The following CRPPA variants were observed in gnomAD, a reference collection of about 807,000 sequenced individuals.
CRPPA encodes the protein D-ribitol-5-phosphate cytidylyltransferase.
CRPPA carries 43 observed loss-of-function variants against 52.0 expected under a neutral mutation model. The observed-to-expected ratio is 0.83, with a 90% confidence interval of 0.65 to 1.07. The LOEUF (loss-of-function observed/expected upper bound fraction) is 1.07, where lower values mean the gene tolerates loss of function less well. Ranked by LOEUF, CRPPA falls within the 50% of genes least tolerant of loss-of-function variation. The probability of loss-of-function intolerance (pLI) is 0.00; values close to 1 mark genes in which losing one functional copy is unlikely to be tolerated. For missense variants in CRPPA, 629 were observed against 551.7 expected (o/e 1.14, Z -1.40); for synonymous variants, 250 against 203.5 (o/e 1.23, Z -1.94).
chr7:16,107,906 A>C (rs762009125), intron 9 of CRPPA, among the ~76,000 whole-genome samples: 26 of 152,080 alleles, frequency 1.7e-4, no homozygotes, highest in Non-Finnish European at 2.5e-4. Flanking sequence ...TATGCAATCA[A>C]AGTTAGTTTT....
intron 9 of CRPPA, among the ~76,000 whole-genome samples, chr7:16,168,769 C>A (rs1046383863): frequency 6.6e-6 from 1 of 151,980 alleles, no homozygotes; most frequent in Non-Finnish European, 1.5e-5. Context: ...CTGACGGTTA[C>A]GTTAACAAAT....
At chr7:16,263,756 T>TAA (rs59366655) in intron 6 of CRPPA, among the ~76,000 whole-genome samples, 9 of 138,698 alleles carry the variant, frequency 6.5e-5, no homozygotes, top group Admixed American at 7.0e-5. Flanking sequence ...CATTTCAAAA[T>TAA]AAAAAAAAAA....
chr7:16,164,148 T>C (rs1780990575), intron 9 of CRPPA, among the ~76,000 whole-genome samples: 1 of 152,224 alleles, frequency 6.6e-6, no homozygotes, highest in Non-Finnish European at 1.5e-5. Context: ...GGTACACCAA[T>C]CAAATGCAGC....
chr7:16,221,318 G>A (rs1021187504), intron 8 of CRPPA, among the ~76,000 whole-genome samples: 15 of 152,148 alleles, frequency 9.9e-5, no homozygotes, highest in East Asian at 1.9e-4. Flanking sequence ...AGACTTAAAC[G>A]TTAGACCTAA....
At chr7:16,385,845 T>C (rs1787252423) in intron 2 of CRPPA, among the ~76,000 whole-genome samples, 1 of 152,146 alleles carries the variant, frequency 6.6e-6, no homozygotes, top group African/African-American at 2.4e-5. Flanking sequence ...CTCAAACCCC[T>C]TATGGGATGG....
intron 9 of CRPPA, among the ~76,000 whole-genome samples, chr7:16,131,159 GC>G: frequency 6.6e-6 from 1 of 152,310 alleles, no homozygotes; most frequent in East Asian, 1.9e-4. Context: ...AGTGGGGGCT[GC>G]TGTAACAAAA....
Position 16,255,347 on chromosome 7 carries a change from G to A in CRPPA, c.1119+3043C>T, listed in dbSNP as rs559046832. Reference sequence around the variant, plus strand: ...CTCATGGATAGGAAGAGTCAACATTGTGAAAATGGCCATGCTGCCCAAAGT... The same window carrying A: ...CTCATGGATAGGAAGAGTCAACATTATGAAAATGGCCATGCTGCCCAAAGT... On this transcript the variant is annotated intron_variant, in intron 8 of 9. Coordinates refer to ENST00000407010, the MANE Select transcript of CRPPA (RefSeq NM_001101426.4). Among the ~76,000 whole-genome samples the A allele has an allele frequency of 8.5e-5, 13 of 152,260 alleles. No individual in the cohort carries two copies. The East Asian group carries it at 2.1e-3, about 25-fold the overall frequency.
intron 3 of CRPPA, among the ~76,000 whole-genome samples, chr7:16,321,163 T>C (rs967770820): frequency 1.3e-5 from 2 of 152,138 alleles, no homozygotes; most frequent in African/African-American, 2.4e-5. Flanking sequence ...TAATTCTTTT[T>C]CAGAGTCCAA....
rs920793527 is a variant in CRPPA at position 16,221,716 on chromosome 7, C to G, written c.1120-5519G>C. On this transcript the variant is annotated intron_variant, in intron 8 of 9. Coordinates refer to ENST00000407010, the MANE Select transcript of CRPPA (RefSeq NM_001101426.4). ...AAAAATGCTCATTATCACTGGCCAT[C>G]AGAGAAATGCAAATCAAAACCACAA... 4.0e-4 allele frequency among the ~76,000 whole-genome samples: 61 copies of G among 152,056 alleles called. 1 individual carries two copies. Among genetic ancestry groups the G allele is most frequent in the South Asian group, 2.9e-3 (14 of 4,814 alleles).
chr7:16,089,310 GTA>G lies in CRPPA; in HGVS notation c.*2383_*2384del. ...TGCGTACGTATATACATATATGTGT[GTA>G]TGCGTACGTATATAAATATATGTGT... On this transcript the variant is annotated 3_prime_UTR_variant, in exon 10 of 10. Transcript: ENST00000407010. The G allele has an allele frequency of 1.0e-5, 4 of 397,206 alleles. No homozygotes were observed. Among genetic ancestry groups the G allele is most frequent in the South Asian group, 6.6e-5 (4 of 60,368 alleles). The allele number at this position is 397,206 out of a possible 1,614,324, so 24.6% of individuals were successfully genotyped here.
At chr7:16,299,002 C>G (rs898186488) in intron 5 of CRPPA, among the ~76,000 whole-genome samples, 1 of 152,208 alleles carries the variant, frequency 6.6e-6, no homozygotes. Context: ...GCTGGCAGAT[C>G]GTGGGACTTA....
chr7:16,133,170 A>T (rs1782708550), intron 9 of CRPPA, among the ~76,000 whole-genome samples: 1 of 121,824 alleles, frequency 8.2e-6, no homozygotes, highest in Admixed American at 8.4e-5. Flanking sequence ...AAAAAAAGTT[A>T]GTTGGGTATG....
intron 9 of CRPPA, among the ~76,000 whole-genome samples, chr7:16,103,308 G>C (rs913196442): frequency 6.6e-6 from 1 of 152,142 alleles, no homozygotes; most frequent in Non-Finnish European, 1.5e-5. Context: ...CTGTTGGTGG[G>C]TGTGGGACTA....
intron 3 of CRPPA, among the ~76,000 whole-genome samples, chr7:16,338,938 C>A (rs1336313004): frequency 6.6e-6 from 1 of 151,718 alleles, no homozygotes. Context: ...GCCTCAGCCT[C>A]CCGAGTAGCT....
intron 3 of CRPPA, among the ~76,000 whole-genome samples, chr7:16,330,464 T>C (rs1181861820): frequency 6.6e-6 from 1 of 152,158 alleles, no homozygotes; most frequent in Non-Finnish European, 1.5e-5. Context: ...CCCAGAATCA[T>C]AGAGAAAAAC....
chr7:16,092,884 C>T (rs1039060591), intron 9 of CRPPA, among the ~76,000 whole-genome samples: 2 of 152,102 alleles, frequency 1.3e-5, no homozygotes, highest in African/African-American at 4.8e-5. Context: ...TAAGATTGTC[C>T]AAACAAGCTG....
At chr7:16,113,057 T>C (rs970249233) in intron 9 of CRPPA, among the ~76,000 whole-genome samples, 4 of 151,756 alleles carry the variant, frequency 2.6e-5, no homozygotes, top group African/African-American at 7.3e-5. Context: ...TAAATAAATA[T>C]AAAATCAGGA....
At chr7:16,227,399 T>A (rs1782679398) in intron 8 of CRPPA, among the ~76,000 whole-genome samples, 1 of 151,964 alleles carries the variant, frequency 6.6e-6, no homozygotes, top group Non-Finnish European at 1.5e-5. Flanking sequence ...TTGTCAACAC[T>A]TATCTTTGTC....
At chr7:16,328,090 C>G (rs960116775) in intron 3 of CRPPA, among the ~76,000 whole-genome samples, 2 of 152,172 alleles carry the variant, frequency 1.3e-5, no homozygotes, top group Admixed American at 1.3e-4. Flanking sequence ...TCACTTTATA[C>G]TAGGTGACAT....
Sources: allele counts gnomAD v4.1 joint callset (sites outside exome capture counted in the v4.1 genomes callset), GRCh38; gene constraint gnomAD v4.1.1; transcripts MANE v1.5; gene names NCBI Gene and HGNC (gene_info 2026-07-23, HGNC 2026-07-21).